ANO2: variants seen among roughly 807,000 people sequenced by gnomAD.
ANO2 encodes the protein anoctamin 2, also known as anoctamin-2.
In ANO2, 101 loss-of-function variants were observed where a neutral mutation model predicts 124.2. That is an observed-to-expected ratio of 0.81 (90% CI 0.69 to 0.96). The LOEUF (loss-of-function observed/expected upper bound fraction) is 0.96. Ranked by LOEUF, ANO2 falls within the 40% of genes least tolerant of loss-of-function variation. The pLI, the probability that ANO2 is intolerant of heterozygous loss-of-function variation, is 0.00. For synonymous variants in ANO2, 486 were observed against 482.5 expected (o/e 1.01, Z -0.09); for missense variants, 1,293 against 1,274.5 (o/e 1.01, Z -0.22).
chr12:5,594,262 C>A (rs897491994), intron 20 of ANO2, among the ~76,000 whole-genome samples: 1 of 152,170 alleles, frequency 6.6e-6, no homozygotes, highest in Non-Finnish European at 1.5e-5. Flanking sequence ...TTGCTCCTCC[C>A]TCCAGGTGCT....
intron 11 of ANO2, among the ~76,000 whole-genome samples, chr12:5,748,870 CAAAAAAAAAAA>C (rs60191649): frequency 9.8e-6 from 1 of 101,650 alleles, no homozygotes; most frequent in South Asian, 3.4e-4. Flanking sequence ...CTTCACCCTC[CAAAAAAAAAAA>C]AAAAAAACAA....
chr12:5,936,714 AG>A (rs1194324637), intron 1 of ANO2, among the ~76,000 whole-genome samples: 1 of 152,224 alleles, frequency 6.6e-6, no homozygotes, highest in Non-Finnish European at 1.5e-5. Flanking sequence ...ACCTAAACCA[AG>A]GTTGCGAAGA....
intron 7 of ANO2, among the ~76,000 whole-genome samples, chr12:5,823,359 G>A (rs772790572): frequency 3.3e-5 from 5 of 152,192 alleles, no homozygotes; most frequent in Non-Finnish European, 4.4e-5. Context: ...AGTTACTTCC[G>A]AGATAAAATG....
intron 4 of ANO2, among the ~76,000 whole-genome samples, chr12:5,842,519 G>A (rs1954544871): frequency 6.6e-6 from 1 of 152,058 alleles, no homozygotes; most frequent in Non-Finnish European, 1.5e-5. Flanking sequence ...ATTGCCCTTG[G>A]ATGGAGCCTC....
intron 24 of ANO2, among the ~76,000 whole-genome samples, chr12:5,563,820 G>C (rs1280430556): frequency 6.6e-6 from 1 of 152,244 alleles, no homozygotes; most frequent in East Asian, 1.9e-4. Context: ...GCCTGGCACA[G>C]AGCAGGACTC....
chr12:5,663,579 G>C (rs1263549576), intron 14 of ANO2, among the ~76,000 whole-genome samples: 3 of 152,124 alleles, frequency 2.0e-5, no homozygotes, highest in African/African-American at 7.2e-5. Flanking sequence ...GCAAGGAAGG[G>C]AACACCTGAG....
chr12:5,787,399 G>A lies in ANO2; in HGVS notation c.1055+12108C>T, dbSNP rs773850311. On this transcript the variant is annotated intron_variant, in intron 10 of 24. Transcript: ENST00000682330. This position sits in a 1 kb window ranked among gnomAD's most constrained non-coding sequence, Gnocchi z 4.2. ...GCTCCCCACAAGCATCTCCGCTACA[G>A]AGCTGAAGCTCCAGCATCCCAGTGC... Among the ~76,000 whole-genome samples the A allele has an allele frequency of 6.6e-6, 1 of 152,138 alleles. No homozygotes were observed. Among genetic ancestry groups the A allele is most frequent in the Non-Finnish European group, 1.5e-5 (1 of 68,040 alleles).
intron 4 of ANO2, among the ~76,000 whole-genome samples, chr12:5,849,344 A>G (rs1192484484): frequency 6.6e-6 from 1 of 152,250 alleles, no homozygotes; most frequent in Non-Finnish European, 1.5e-5. Context: ...AAGAGAATGT[A>G]AAGGATGAGA....
At chr12:5,566,114 C>T (rs3782581) in intron 23 of ANO2, among the ~76,000 whole-genome samples, 1 of 151,992 alleles carries the variant, frequency 6.6e-6, no homozygotes, top group Admixed American at 6.6e-5. Flanking sequence ...CAGTCTTGGG[C>T]TTCTTCCCCT....
chr12:5,764,609 C>T (rs1383595358), intron 10 of ANO2, among the ~76,000 whole-genome samples: 1 of 152,206 alleles, frequency 6.6e-6, no homozygotes, highest in Non-Finnish European at 1.5e-5. Flanking sequence ...ATGAGACATG[C>T]CCATGGCAAA....
chr12:5,761,683 T>C (rs11063851), intron 10 of ANO2, among the ~76,000 whole-genome samples: 26,327 of 152,130 alleles, frequency 0.17, 2,324 homozygotes, highest in South Asian at 0.23. Context: ...AAGTTGGGCA[T>C]AGCGATAAAT....
intron 11 of ANO2, among the ~76,000 whole-genome samples, chr12:5,750,635 G>A (rs527318309): frequency 4.6e-5 from 7 of 152,318 alleles, no homozygotes; most frequent in African/African-American, 1.2e-4. Flanking sequence ...AGTAGGCCTC[G>A]CCTAGCATGG....
Position 5,921,261 on chromosome 12 carries a change from A to G in ANO2, c.313T>C (p.Tyr105His), listed in dbSNP as rs767167851. ...TGCACCCCGCGTTTCCGGTAGTGGT[A>G]GGCAAGTACATAGTCGACCTTCCTC... Reference protein sequence around the residue: ...SQRKVDYVLAYHYRKRGVHLA... With the variant: ...SQRKVDYVLAHHYRKRGVHLA... Residue 105 changes from tyrosine (Y) to histidine (H), a missense_variant, in exon 3 of 25, where the codon TAC becomes CAC. Physicochemically the swap from Tyr to His is moderately conservative, Grantham distance 83 (BLOSUM62 2). Coordinates refer to ENST00000682330, the MANE Select transcript of ANO2 (RefSeq NM_001364791.2). 1.2e-6 allele frequency: 2 copies of G among 1,614,006 alleles called. No homozygotes were observed. The highest frequency in any genetic ancestry group is 1.3e-5 in the African/African-American group (1 of 75,050).
intron 1 of ANO2, among the ~76,000 whole-genome samples, chr12:5,940,072 T>G (rs1942832752): frequency 6.7e-6 from 1 of 150,068 alleles, no homozygotes; most frequent in African/African-American, 2.5e-5. Flanking sequence ...AATGGATGGA[T>G]GGATGGATGG....
Position 5,744,381 on chromosome 12 carries a change from C to T in ANO2, c.1191-64G>A, listed in dbSNP as rs1591559193. 16 of 1,577,674 alleles carry T rather than the reference C, an allele frequency of 1.0e-5. No homozygotes were observed. In the East Asian group the frequency reaches 3.2e-4, roughly 31 times the overall value. ...AGCATGGTCCACTCCAAGAAAAATA[C>T]ATCCCCCAAATAGCTCCCATTTCCA... On this transcript the variant is annotated intron_variant, in intron 11 of 24. Coordinates refer to ENST00000682330, the MANE Select transcript of ANO2 (RefSeq NM_001364791.2).
intron 3 of ANO2, among the ~76,000 whole-genome samples, chr12:5,882,347 T>C (rs1938561750): frequency 6.6e-6 from 1 of 152,250 alleles, no homozygotes; most frequent in African/African-American, 2.4e-5. Context: ...TTTGGAGTTA[T>C]TTTCCAGAAT....
At chr12:5,930,891 G>A (rs1942337093) in intron 1 of ANO2, among the ~76,000 whole-genome samples, 1 of 152,110 alleles carries the variant, frequency 6.6e-6, no homozygotes, top group Non-Finnish European at 1.5e-5. Flanking sequence ...TTGCATATCC[G>A]CCTCCTGGGC....
intron 16 of ANO2, among the ~76,000 whole-genome samples, chr12:5,616,807 G>A (rs1248074923): frequency 6.6e-6 from 1 of 152,084 alleles, no homozygotes; most frequent in Non-Finnish European, 1.5e-5. Context: ...ATATATAGGT[G>A]AGTTACTACC....
rs1274923717 is a variant in ANO2 at position 5,922,704 on chromosome 12, T to C, written c.123A>G (p.Pro41=). 1 of 1,594,336 alleles carries C rather than the reference T, an allele frequency of 6.3e-7. No homozygotes were observed. Among genetic ancestry groups the C allele is most frequent in the Admixed American group, 1.7e-5 (1 of 57,484 alleles). The part of the protein sequence containing the change: ...PKHGQQCLKM[P]GPRAPGLQGG... Reference sequence around the variant, plus strand: ...CCTGCAGACCTGGGGCCCGGGGACCTGGCATCTTGAGACACTGCTGTCCAT... The same window carrying C: ...CCTGCAGACCTGGGGCCCGGGGACCCGGCATCTTGAGACACTGCTGTCCAT... Residue 41 remains proline, a synonymous_variant, in exon 2 of 25, where the codon CCA becomes CCG. Transcript: ENST00000682330.
Sources: gnomAD v4.1 joint callset for allele counts (sites outside exome capture counted in the v4.1 genomes callset) on GRCh38, gnomAD v4.1.1 for gene constraint, Gnocchi (gnomAD v3.1) non-coding constraint, MANE v1.5 for transcripts, NCBI Gene and HGNC (gene_info 2026-07-23, HGNC 2026-07-21) for gene names.